Variants in GPHN observed in about 807,000 individuals in gnomAD.
GPHN encodes gephyrin.
Under a neutral mutation model 95.5 loss-of-function variants are expected in GPHN, and 17 were observed. That is an observed-to-expected ratio of 0.18 (90% CI 0.12 to 0.27). GPHN has a LOEUF of 0.27. Ranked by LOEUF, GPHN falls within the 10% of genes least tolerant of loss-of-function variation. The pLI is 1.00. For synonymous variants in GPHN, 320 were observed against 322.5 expected, an observed-to-expected ratio of 0.99 and a Z score of 0.08; for missense variants, 660 against 978.1, an observed-to-expected ratio of 0.67 and a Z score of 4.34.
intron 8 of GPHN, among the ~76,000 whole-genome samples, chr14:66,957,017 T>G: frequency 6.8e-6 from 1 of 147,582 alleles, no homozygotes; most frequent in East Asian, 2.1e-4. Flanking sequence ...TAATGCTAGA[T>G]GACGAGATAG....
intron 1 of GPHN, among the ~76,000 whole-genome samples, chr14:66,595,098 A>T (rs972504595): frequency 5.9e-5 from 9 of 152,204 alleles, no homozygotes; most frequent in African/African-American, 2.2e-4. Flanking sequence ...CTCTAATGAG[A>T]TACTGTCTTA....
At chr14:66,604,803 G>C (rs892918095) in intron 1 of GPHN, among the ~76,000 whole-genome samples, 1 of 152,102 alleles carries the variant, frequency 6.6e-6, no homozygotes, top group Non-Finnish European at 1.5e-5. Flanking sequence ...TGTCACCCAG[G>C]TACTGAGCAT....
intron 1 of GPHN, among the ~76,000 whole-genome samples, chr14:66,562,102 C>A (rs571637368): frequency 6.6e-6 from 1 of 152,238 alleles, no homozygotes; most frequent in African/African-American, 2.4e-5. Flanking sequence ...ATCTCCACAT[C>A]TCAAAATCCT....
chr14:67,614,531 G>A, the GPHN span, among the ~76,000 whole-genome samples: 9 of 152,158 alleles, frequency 5.9e-5, no homozygotes, highest in East Asian at 1.7e-3. Flanking sequence ...GGGAGGCTGA[G>A]GCAAGGAGGA....
At chr14:66,684,137 T>C (rs2067182849) in intron 2 of GPHN, among the ~76,000 whole-genome samples, 1 of 152,200 alleles carries the variant, frequency 6.6e-6, no homozygotes, top group Non-Finnish European at 1.5e-5. Context: ...TGTATGTTGA[T>C]GTGCCTGGCA....
chr14:66,952,214 C>A (rs1368006619), intron 8 of GPHN, among the ~76,000 whole-genome samples: 1 of 152,150 alleles, frequency 6.6e-6, no homozygotes, highest in East Asian at 1.9e-4. Flanking sequence ...GCCCCCAGCC[C>A]CTGACAACCA....
chr14:67,490,674 C>G, the GPHN span, among the ~76,000 whole-genome samples: 4 of 152,128 alleles, frequency 2.6e-5, no homozygotes, highest in Middle Eastern at 3.2e-3. Context: ...TGACCAGAAC[C>G]TAAAAATCAG....
At chr14:66,924,347 C>G in intron 8 of GPHN, 55 bp downstream of exon 8, 1 of 933,730 alleles carries the variant, frequency 1.1e-6, no homozygotes, top group South Asian at 1.3e-5. Context: ...TCTACTTCCT[C>G]TCCTTGGAGA....
the GPHN span, among the ~76,000 whole-genome samples, chr14:67,238,269 C>CTTTTTTTT: frequency 8.0e-6 from 1 of 125,250 alleles, no homozygotes; most frequent in African/African-American, 3.2e-5. Context: ...TTCTTGCTTT[C>CTTTTTTTT]TTTTTTTTTT....
chr14:66,772,336 C>G lies in GPHN; in HGVS notation c.144-4128C>G, dbSNP rs144553993. On this transcript the variant is annotated intron_variant, in intron 2 of 22. Transcript: ENST00000478722. ...CATCTGATTACTTAGATAGCAGGCC[C>G]TGCTTTTAATCTTTGACCTCGTGGT... Among the ~76,000 whole-genome samples, 189 of 152,354 alleles carry G rather than the reference C, an allele frequency of 1.2e-3. 2 individuals are homozygous for G. The highest frequency in any genetic ancestry group is 0.01 in the Middle Eastern group (3 of 294).
At chr14:67,712,147 T>C in the GPHN span, among the ~76,000 whole-genome samples, 1 of 151,236 alleles carries the variant, frequency 6.6e-6, no homozygotes, top group Non-Finnish European at 1.5e-5. Flanking sequence ...CTTGAACTCC[T>C]GACCTCACGT....
the GPHN span, among the ~76,000 whole-genome samples, chr14:67,323,232 CGTGTGTGTGTGT>C: frequency 9.3e-4 from 134 of 143,592 alleles, 1 homozygote; most frequent in South Asian, 4.7e-4. Flanking sequence ...CATATATACA[CGTGTGTGTGTGT>C]GTGTGTGTGT....
chr14:66,841,916 G>A (rs866453326), intron 4 of GPHN, among the ~76,000 whole-genome samples: 6 of 151,974 alleles, frequency 3.9e-5, no homozygotes, highest in Non-Finnish European at 7.4e-5. Flanking sequence ...AGCCAGACCT[G>A]GTGGTGCACG....
At chr14:67,390,620 C>A in the GPHN span, 2 of 1,310,380 alleles carry the variant, frequency 1.5e-6, no homozygotes, top group Non-Finnish European at 2.2e-6. Context: ...TGTCTGGGGG[C>A]ATCACAACAT....
At chr14:66,891,194 C>A (rs181832472) in intron 5 of GPHN, among the ~76,000 whole-genome samples, 16 of 151,800 alleles carry the variant, frequency 1.1e-4, no homozygotes, top group Admixed American at 9.8e-4. Context: ...ATTCCACACA[C>A]AAAACCATTA....
chr14:67,525,639 T>A, the GPHN span, among the ~76,000 whole-genome samples: 2 of 152,238 alleles, frequency 1.3e-5, no homozygotes, highest in Non-Finnish European at 2.9e-5. Context: ...AGTAACATTT[T>A]AGTGATTCTT....
chr14:67,013,913 T>G (rs940936782), intron 9 of GPHN, among the ~76,000 whole-genome samples: 4 of 152,082 alleles, frequency 2.6e-5, no homozygotes, highest in Non-Finnish European at 5.9e-5. Context: ...TCCAGAAGTG[T>G]CACAAAATGC....
chr14:66,858,958 C>T (rs974569062), intron 4 of GPHN, among the ~76,000 whole-genome samples: 1 of 152,092 alleles, frequency 6.6e-6, no homozygotes, highest in African/African-American at 2.4e-5. Context: ...GACTGTGTCT[C>T]ATGATTTGAG....
chr14:67,075,661 A>C (rs1229204508), intron 11 of GPHN, among the ~76,000 whole-genome samples: 1 of 152,172 alleles, frequency 6.6e-6, no homozygotes, highest in African/African-American at 2.4e-5. Flanking sequence ...CAGGAGTTGA[A>C]AAGAAGTTGA....
Sources: gnomAD v4.1 joint callset for allele counts (sites outside exome capture counted in the v4.1 genomes callset) on GRCh38, gnomAD v4.1.1 for gene constraint, MANE v1.5 for transcripts, NCBI Gene and HGNC (gene_info 2026-07-23, HGNC 2026-07-21) for gene names.